The following RABGAP1L variants were observed in gnomAD, a reference collection of about 807,000 sequenced individuals.
RABGAP1L encodes the protein rab GTPase-activating protein 1-like.
In RABGAP1L, 63 loss-of-function variants were observed where a neutral mutation model predicts 137.7. That is an observed-to-expected ratio of 0.46 (90% CI 0.37 to 0.56). The LOEUF (loss-of-function observed/expected upper bound fraction) is 0.56, where lower values mean the gene tolerates loss of function less well. Among genes scored for constraint, RABGAP1L ranks in the 20% least tolerant of loss-of-function variants. The pLI is 0.00. For synonymous variants in RABGAP1L, 431 were observed against 433.7 expected (o/e 0.99, Z 0.08); for missense variants, 1,095 against 1,244.0 (o/e 0.88, Z 1.80).
At chr1:174,571,999 C>A (rs1668015226) in intron 13 of RABGAP1L, among the ~76,000 whole-genome samples, 1 of 152,146 alleles carries the variant, frequency 6.6e-6, no homozygotes, top group Non-Finnish European at 1.5e-5. Context: ...ATATTGTACT[C>A]TTGGCAAAGT....
chr1:174,362,492 A>G (rs1684235208), intron 11 of RABGAP1L, among the ~76,000 whole-genome samples: 1 of 152,192 alleles, frequency 6.6e-6, no homozygotes, highest in African/African-American at 2.4e-5. Flanking sequence ...GTGAAATGGT[A>G]TCTCATTGTG....
intron 18 of RABGAP1L, among the ~76,000 whole-genome samples, chr1:174,756,105 T>C (rs1684732851): frequency 6.6e-6 from 1 of 152,160 alleles, no homozygotes; most frequent in Non-Finnish European, 1.5e-5. Context: ...GGTGCTATTG[T>C]TAGAGACAGA....
At chr1:174,427,516 C>A (rs1652107227) in intron 13 of RABGAP1L, among the ~76,000 whole-genome samples, 2 of 152,066 alleles carry the variant, frequency 1.3e-5, no homozygotes, top group African/African-American at 4.8e-5. Flanking sequence ...TACCTAATCA[C>A]TTTAGCCACT....
At chr1:174,541,144 T>A (rs1665381638) in intron 13 of RABGAP1L, among the ~76,000 whole-genome samples, 1 of 152,234 alleles carries the variant, frequency 6.6e-6, no homozygotes, top group African/African-American at 2.4e-5. Context: ...TGATTTTGTA[T>A]TCTAGGACTT....
intron 13 of RABGAP1L, among the ~76,000 whole-genome samples, chr1:174,477,220 A>G (rs1422567375): frequency 1.3e-5 from 2 of 152,216 alleles, no homozygotes; most frequent in Non-Finnish European, 2.9e-5. Context: ...TAGCTAATCT[A>G]TATGTTTAAA....
chr1:174,216,292 GAGAATAATTGAATTGCTTCTAACAC>G (rs919381871), intron 1 of RABGAP1L, among the ~76,000 whole-genome samples: 5 of 152,096 alleles, frequency 3.3e-5, no homozygotes, highest in Non-Finnish European at 4.4e-5. Context: ...AAATAACTAA[GAGAATAATTGAATTGCTTCTAACAC>G]AAAGGATAAA....
intron 17 of RABGAP1L, among the ~76,000 whole-genome samples, chr1:174,733,623 C>A (rs1344760688): frequency 1.3e-5 from 2 of 152,180 alleles, no homozygotes; most frequent in African/African-American, 4.8e-5. Flanking sequence ...ACTCATTTGA[C>A]AACTATTTAT....
chr1:174,742,043 A>G (rs1473997783), intron 17 of RABGAP1L, among the ~76,000 whole-genome samples: 6 of 135,906 alleles, frequency 4.4e-5, no homozygotes, highest in Admixed American at 2.9e-4. Flanking sequence ...TGTCTCAAAA[A>G]AAAAAGAAGA....
rs572663431 is a variant in RABGAP1L, at chr1:174,602,370, G to C, written c.1711-35005G>C. 6.7e-4 allele frequency among the ~76,000 whole-genome samples: 102 copies of C among 152,250 alleles called. 1 individual carries two copies. Among genetic ancestry groups the C allele is most frequent in the Middle Eastern group, 6.8e-3 (2 of 294 alleles). On this transcript the variant is annotated intron_variant, in intron 13 of 25. Coordinates refer to ENST00000681986, the MANE Select transcript of RABGAP1L (RefSeq NM_001366446.1). ...ACCCCTGATAAACCCGTTAGATCTC[G>C]TGAGACTTATTCACTACACCAGAAT...
intron 11 of RABGAP1L, among the ~76,000 whole-genome samples, chr1:174,359,861 A>G (rs1486344842): frequency 6.6e-6 from 1 of 152,240 alleles, no homozygotes; most frequent in African/African-American, 2.4e-5. Flanking sequence ...AAATAGATTA[A>G]TGCCTTTAAA....
At chr1:174,503,658 CA>C (rs61588327) in intron 13 of RABGAP1L, among the ~76,000 whole-genome samples, 4 of 103,642 alleles carry the variant, frequency 3.9e-5, no homozygotes, top group Admixed American at 1.1e-4. Flanking sequence ...GAGACTCCGT[CA>C]AAAAAAAAAA....
At chr1:174,590,247 T>C (rs1309556882) in intron 13 of RABGAP1L, among the ~76,000 whole-genome samples, 2 of 148,968 alleles carry the variant, frequency 1.3e-5, no homozygotes, top group African/African-American at 4.9e-5. Flanking sequence ...GTTAATGCTC[T>C]AACAACTTTT....
intron 13 of RABGAP1L, among the ~76,000 whole-genome samples, chr1:174,457,318 T>A (rs10489260): frequency 0.35 from 53,535 of 151,826 alleles, 12,081 homozygotes; most frequent in African/African-American, 0.64. Flanking sequence ...GCAGTGTAAG[T>A]AAAAGAAAAT....
At chr1:174,696,995 A>C (rs1264617006) in intron 15 of RABGAP1L, among the ~76,000 whole-genome samples, 2 of 152,142 alleles carry the variant, frequency 1.3e-5, no homozygotes, top group Admixed American at 1.3e-4. Context: ...CTTTACTTCC[A>C]ACACCCAACA....
chr1:174,917,184 AT>A (rs1661019461), intron 19 of RABGAP1L, among the ~76,000 whole-genome samples: 1 of 152,128 alleles, frequency 6.6e-6, no homozygotes, highest in South Asian at 2.1e-4. Context: ...ATGCCATCAC[AT>A]TGGCTGTTAG....
At chr1:174,709,311 T>A (rs1358106929) in intron 17 of RABGAP1L, among the ~76,000 whole-genome samples, 1 of 152,196 alleles carries the variant, frequency 6.6e-6, no homozygotes, top group African/African-American at 2.4e-5. Context: ...CCCAGTACAG[T>A]GCTCGAGCTC....
At chr1:174,391,260 T>C (rs1687188472) in intron 12 of RABGAP1L, among the ~76,000 whole-genome samples, 1 of 152,180 alleles carries the variant, frequency 6.6e-6, no homozygotes, top group Non-Finnish European at 1.5e-5. Context: ...CTCTTGAAAT[T>C]TGTTGCACAG....
At chr1:174,648,923 C>T (rs916972648) in intron 14 of RABGAP1L, among the ~76,000 whole-genome samples, 47 of 152,092 alleles carry the variant, frequency 3.1e-4, no homozygotes, top group African/African-American at 1.1e-3. Flanking sequence ...GTTAGCTCTT[C>T]TTGTTGAATT....
chr1:174,311,941 G>A (rs1287100902), intron 11 of RABGAP1L, among the ~76,000 whole-genome samples: 1 of 152,152 alleles, frequency 6.6e-6, no homozygotes, highest in Non-Finnish European at 1.5e-5. Context: ...TTTTATGATT[G>A]AATAGTCCTC....
Sources: allele counts gnomAD v4.1 joint callset (sites outside exome capture counted in the v4.1 genomes callset), GRCh38; gene constraint gnomAD v4.1.1; transcripts MANE v1.5; gene names NCBI Gene and HGNC (gene_info 2026-07-23, HGNC 2026-07-21).